Variants in ZNF385D observed in about 807,000 individuals in gnomAD.
The protein encoded by ZNF385D is zinc finger protein 659.
In ZNF385D, 15 loss-of-function variants were observed where a neutral mutation model predicts 35.8. The observed-to-expected ratio is 0.42, with a 90% CI of 0.28 to 0.64. The LOEUF is 0.64. ZNF385D is among the 30% of genes least tolerant of loss of function. ZNF385D has a pLI of 0.23. For synonymous variants in ZNF385D, 212 were observed against 186.8 expected, an observed-to-expected ratio of 1.13 and a Z score of -1.10; for missense variants, 474 against 494.6, an observed-to-expected ratio of 0.96 and a Z score of 0.39.
intron 4 of ZNF385D, among the ~76,000 whole-genome samples, chr3:21,449,592 C>G (rs1702343752): frequency 6.6e-6 from 1 of 152,128 alleles, no homozygotes; most frequent in African/African-American, 2.4e-5. Flanking sequence ...AATTTAAAAG[C>G]TAGCACTGTG....
Position 21,751,104 on chromosome 3 carries a change from T to C in ZNF385D, c.-188A>G, listed in dbSNP as rs952008211. On this transcript the variant is annotated 5_prime_UTR_variant, in exon 1 of 8. Coordinates refer to ENST00000281523, the MANE Select transcript of ZNF385D (RefSeq NM_024697.3). ...GCAGGCTGCCTTTCCAGGGCTAAGA[T>C]CCCCGGCGGCTGGAGAGTGCGCTCG... 4.6e-5 allele frequency: 68 copies of C among 1,479,948 alleles called. No individual in the cohort carries two copies. Among genetic ancestry groups the C allele is most frequent in the Non-Finnish European group, 4.8e-5 (54 of 1,114,372 alleles). 91.7% of individuals were successfully genotyped at this position (1,479,948 alleles called of 1,614,324 possible). A position where few individuals can be genotyped will look rare whatever the true frequency, so the allele number is the denominator to read the frequency against.
At chr3:22,347,330 A>G (rs1303131040) in intron 2 of ZNF385D, among the ~76,000 whole-genome samples, 1 of 152,190 alleles carries the variant, frequency 6.6e-6, no homozygotes, top group African/African-American at 2.4e-5. Flanking sequence ...TTTCAGGTCA[A>G]ACCACTGCAG....
At chr3:22,097,505 A>G (rs568917242) in intron 3 of ZNF385D, among the ~76,000 whole-genome samples, 34 of 152,164 alleles carry the variant, frequency 2.2e-4, no homozygotes, top group African/African-American at 7.5e-4. Flanking sequence ...ACAGTAAGGT[A>G]TAAGTAGGAA....
At chr3:22,318,947 G>A (rs1174116086) in intron 2 of ZNF385D, among the ~76,000 whole-genome samples, 1 of 152,102 alleles carries the variant, frequency 6.6e-6, no homozygotes, top group Non-Finnish European at 1.5e-5. Flanking sequence ...CATTTTTTGA[G>A]AAAGTAGCAT....
At chr3:22,069,307 C>G (rs948347105) in intron 3 of ZNF385D, among the ~76,000 whole-genome samples, 1 of 152,134 alleles carries the variant, frequency 6.6e-6, no homozygotes, top group Non-Finnish European at 1.5e-5. Context: ...CAAGAGATCT[C>G]TCACCAATGA....
intron 1 of ZNF385D, among the ~76,000 whole-genome samples, chr3:21,744,680 T>G (rs2069678497): frequency 6.6e-6 from 1 of 152,146 alleles, no homozygotes; most frequent in East Asian, 1.9e-4. Context: ...TAAGTATTTT[T>G]CAGACATTTT....
intron 2 of ZNF385D, among the ~76,000 whole-genome samples, chr3:22,359,572 T>C (rs1696320105): frequency 6.6e-6 from 1 of 151,864 alleles, no homozygotes; most frequent in East Asian, 1.9e-4. Context: ...GAGCAATCAT[T>C]GTAACTCATT....
chr3:21,936,818 AAAAAT>A lies in ZNF385D; in HGVS notation c.325+231994_325+231998del, dbSNP rs945785028. 9.2e-5 allele frequency among the ~76,000 whole-genome samples: 14 copies of A among 152,302 alleles called. No individual in the cohort carries two copies. In the East Asian group the frequency reaches 9.6e-4, roughly 10 times the overall value. ...GGATTTTATTTACCTCATTGTGCTG[AAAAAT>A]AAAATAAAAGTCTGTAAACTTCCTG... On this transcript the variant is annotated intron_variant, in intron 3 of 5. Transcript: ENST00000494108.
At chr3:21,775,537 C>A (rs139983349) in intron 3 of ZNF385D, among the ~76,000 whole-genome samples, 1 of 151,890 alleles carries the variant, frequency 6.6e-6, no homozygotes. Flanking sequence ...AGAAGTTGAA[C>A]TCCTCCTGGC....
intron 3 of ZNF385D, among the ~76,000 whole-genome samples, chr3:21,838,397 A>T (rs1413869212): frequency 6.6e-6 from 1 of 152,128 alleles, no homozygotes; most frequent in East Asian, 1.9e-4. Context: ...TTGTTTGTGA[A>T]CAGCTTCCAG....
chr3:22,358,291 A>T lies in ZNF385D; in HGVS notation c.106+14159T>A, dbSNP rs548728892. On this transcript the variant is annotated intron_variant, in intron 2 of 5. Transcript: ENST00000494108. ...AAAAGTCTGGCATCAATTCCAAGGA[A>T]AGGTTTTCCAGATCTCACCATTGTT... Among the ~76,000 whole-genome samples the T allele has an allele frequency of 6.6e-5, 10 of 151,990 alleles. No homozygotes were observed. The South Asian group carries it at 1.4e-3, about 22-fold the overall frequency.
At chr3:22,129,514 C>T (rs779932853) in intron 3 of ZNF385D, among the ~76,000 whole-genome samples, 13 of 151,948 alleles carry the variant, frequency 8.6e-5, no homozygotes, top group Middle Eastern at 6.8e-3. Flanking sequence ...CTTTCTTTTA[C>T]TGGGGTTGAG....
chr3:21,950,659 C>G (rs1212088091), intron 3 of ZNF385D, among the ~76,000 whole-genome samples: 4 of 151,680 alleles, frequency 2.6e-5, no homozygotes, highest in African/African-American at 9.8e-5. Context: ...AGGTTTTCTT[C>G]TAGGGTTTTT....
chr3:21,682,351 G>C (rs1320300134), intron 1 of ZNF385D, among the ~76,000 whole-genome samples: 2 of 150,190 alleles, frequency 1.3e-5, no homozygotes, highest in Non-Finnish European at 3.0e-5. Flanking sequence ...AGGCAAGTAA[G>C]AGTAAGGGGA....
intron 2 of ZNF385D, among the ~76,000 whole-genome samples, chr3:22,319,514 T>C (rs1243896524): frequency 6.6e-6 from 1 of 152,146 alleles, no homozygotes; most frequent in East Asian, 1.9e-4. Context: ...ATGCCCGTAT[T>C]GGACACTAGA....
At chr3:21,711,039 G>GTTATTTTTTT (rs2068082583) in intron 1 of ZNF385D, among the ~76,000 whole-genome samples, 1 of 83,154 alleles carries the variant, frequency 1.2e-5, no homozygotes, top group African/African-American at 5.1e-5. Context: ...CCCTCTAAAA[G>GTTATTTTTTT]TTTTTTTTTT....
chr3:22,024,519 G>A (rs1697420691), intron 3 of ZNF385D, among the ~76,000 whole-genome samples: 1 of 151,882 alleles, frequency 6.6e-6, no homozygotes, highest in Non-Finnish European at 1.5e-5. Flanking sequence ...ATAGTATGGA[G>A]AACTAATAGT....
chr3:22,134,964 T>C (rs1278553783), intron 3 of ZNF385D, among the ~76,000 whole-genome samples: 3 of 152,190 alleles, frequency 2.0e-5, no homozygotes, highest in African/African-American at 7.2e-5. Flanking sequence ...GCATGAATTA[T>C]GAAAATGACT....
intron 3 of ZNF385D, among the ~76,000 whole-genome samples, chr3:21,993,598 T>A (rs1172044359): frequency 6.6e-6 from 1 of 152,310 alleles, no homozygotes. Flanking sequence ...ATTAGGTACT[T>A]TGGAACATTT....
Sources: gnomAD v4.1 joint callset for allele counts (sites outside exome capture counted in the v4.1 genomes callset) on GRCh38, gnomAD v4.1.1 for gene constraint, MANE v1.5 for transcripts, NCBI Gene and HGNC (gene_info 2026-07-23, HGNC 2026-07-21) for gene names.